The following ABLIM1 variants were observed in gnomAD, a reference collection of about 807,000 sequenced individuals.
ABLIM1 encodes the protein actin binding LIM protein 1, also known as actin-binding LIM protein 1.
ABLIM1 carries 40 observed loss-of-function variants against 107.0 expected under a neutral mutation model. The ratio of observed to expected loss-of-function variants is 0.37; its 90% CI spans 0.29 to 0.49. ABLIM1 has a LOEUF of 0.49. ABLIM1 is among the 20% of genes least tolerant of loss of function. The pLI is 0.97. For missense variants in ABLIM1, 857 were observed against 1,008.5 expected, an observed-to-expected ratio of 0.85 and a Z score of 2.04; for synonymous variants, 357 against 357.3, an observed-to-expected ratio of 1.00 and a Z score of 0.01.
At chr10:114,766,140 A>G (rs1381913231) in intron 1 of ABLIM1, among the ~76,000 whole-genome samples, 2 of 152,204 alleles carry the variant, frequency 1.3e-5, no homozygotes, top group African/African-American at 4.8e-5. Context: ...CAAAACCTCA[A>G]TTCCTTCATC....
chr10:114,626,093 C>T (rs2077772636), intron 1 of ABLIM1, among the ~76,000 whole-genome samples: 2 of 152,252 alleles, frequency 1.3e-5, no homozygotes, highest in African/African-American at 2.4e-5. Flanking sequence ...TGAACCTTAC[C>T]TTGTCATTTA....
At chr10:114,529,175 A>G (rs1158763844) in intron 6 of ABLIM1, among the ~76,000 whole-genome samples, 2 of 146,266 alleles carry the variant, frequency 1.4e-5, no homozygotes, top group Admixed American at 7.0e-5. Flanking sequence ...GCAAGGCTGG[A>G]GTGCAGTGGT....
At chr10:114,763,315 A>G (rs1260877920) in intron 1 of ABLIM1, among the ~76,000 whole-genome samples, 1 of 152,130 alleles carries the variant, frequency 6.6e-6, no homozygotes, top group East Asian at 1.9e-4. Context: ...GCCTGTTTGA[A>G]TTTAAACATA....
chr10:114,588,138 T>A (rs950022023), intron 2 of ABLIM1, among the ~76,000 whole-genome samples: 3 of 152,144 alleles, frequency 2.0e-5, no homozygotes, highest in Non-Finnish European at 4.4e-5. Context: ...TCATTGATGA[T>A]CATTTGATTT....
chr10:114,755,740 C>G (rs1591948226), intron 1 of ABLIM1, among the ~76,000 whole-genome samples: 2 of 152,214 alleles, frequency 1.3e-5, no homozygotes, highest in Non-Finnish European at 2.9e-5. Context: ...TGGCTCCGCT[C>G]TGTTATTTGC....
the ABLIM1 span, among the ~76,000 whole-genome samples, chr10:114,787,594 CCGCCCGGCCAGCCGCCCCG>C: frequency 1.1e-4 from 16 of 145,322 alleles, no homozygotes; most frequent in East Asian, 4.2e-4. Flanking sequence ...GGTCAGCCCC[CCGCCCGGCCAGCCGCCCCG>C]TCCGGGAGGT....
At chr10:114,482,257 C>T (rs2057485737) in intron 8 of ABLIM1, among the ~76,000 whole-genome samples, 1 of 152,106 alleles carries the variant, frequency 6.6e-6, no homozygotes, top group Admixed American at 6.5e-5. Flanking sequence ...TTAGGTAATT[C>T]TATTTTCATC....
intron 6 of ABLIM1, among the ~76,000 whole-genome samples, chr10:114,542,707 A>G (rs916374701): frequency 3.9e-5 from 6 of 152,170 alleles, no homozygotes; most frequent in Non-Finnish European, 8.8e-5. Flanking sequence ...CAAACTCAGG[A>G]ATCCCAAGGG....
intron 2 of ABLIM1, among the ~76,000 whole-genome samples, chr10:114,596,452 T>C (rs2075422681): frequency 6.6e-6 from 1 of 152,164 alleles, no homozygotes; most frequent in Non-Finnish European, 1.5e-5. Context: ...TGTATTCCCA[T>C]CTACTCAGGA....
rs760395146 is a variant in ABLIM1, at chr10:114,465,758, A to C, written c.1381T>G (p.Tyr461Asp). 22 of 1,614,104 alleles carry C rather than the reference A, an allele frequency of 1.4e-5. 1 individual carries two copies. In the Admixed American group the frequency reaches 3.5e-4, roughly 26 times the overall value. Residue 461 changes from tyrosine (Y) to aspartate (D), a missense_variant, in exon 12 of 23, where the codon TAC becomes GAC. By Grantham distance (160) the Tyr-to-Asp change is radical (BLOSUM62 -3). Coordinates refer to ENST00000533213, the MANE Select transcript of ABLIM1 (RefSeq NM_002313.7). ...TSQGSINSPVYSRHSYTPTTS... is the reference protein window; with the variant it reads ...TSQGSINSPVDSRHSYTPTTS... ...GTTGGAGTGTAGCTGTGGCGGCTGT[A>C]CACAGGGGAGTTGATGGAGCCCTGG...
In ABLIM1 at chr10:114,546,384, C is replaced by G. The variant is rs111691278; in HGVS notation, c.800+1266G>C. Among the ~76,000 whole-genome samples, 6 of 151,420 alleles carry G rather than the reference C, an allele frequency of 4.0e-5. No homozygotes were observed. The South Asian group carries it at 1.3e-3, about 32-fold the overall frequency. ...TCTGGGCTCACTGCAACCTCCGCCT[C>G]CCAGGTTCAAGCAATTCTCCTGTCT... On this transcript the variant is annotated intron_variant, in intron 5 of 22. Transcript: ENST00000533213.
intron 1 of ABLIM1, among the ~76,000 whole-genome samples, chr10:114,635,485 C>A (rs530328066): frequency 1.3e-5 from 2 of 152,210 alleles, no homozygotes. Flanking sequence ...ACTGGAACAT[C>A]AGGTGTCCAG....
intron 2 of ABLIM1, among the ~76,000 whole-genome samples, chr10:114,594,342 ATCTTTACTTGCAC>A (rs1406448214): frequency 3.9e-5 from 6 of 152,228 alleles, no homozygotes; most frequent in African/African-American, 1.4e-4. Flanking sequence ...TGTGATAGAT[ATCTTTACTTGCAC>A]TCTTTCTTTT....
At chr10:114,480,320 T>C (rs17091929) in intron 8 of ABLIM1, among the ~76,000 whole-genome samples, 1 of 151,814 alleles carries the variant, frequency 6.6e-6, no homozygotes, top group African/African-American at 2.4e-5. Context: ...TAAAAAAAAA[T>C]TACTCTCTGG....
chr10:114,566,209 T>C (rs553954923), intron 4 of ABLIM1, among the ~76,000 whole-genome samples: 22 of 152,340 alleles, frequency 1.4e-4, no homozygotes, highest in African/African-American at 4.8e-4. Flanking sequence ...AAGATGAGCC[T>C]GCATGTGTTT....
intron 1 of ABLIM1, among the ~76,000 whole-genome samples, chr10:114,678,705 C>A (rs183850663): frequency 2.6e-5 from 4 of 152,312 alleles, no homozygotes; most frequent in Admixed American, 2.6e-4. Flanking sequence ...GCATTCAAAT[C>A]TTGTATTTCT....
At chr10:114,777,702 C>A in the ABLIM1 span, among the ~76,000 whole-genome samples, 1 of 152,212 alleles carries the variant, frequency 6.6e-6, no homozygotes, top group Non-Finnish European at 1.5e-5. Context: ...AGTTTATAAT[C>A]TGTCAAGCCA....
At chr10:114,798,044 G>A in the ABLIM1 span, among the ~76,000 whole-genome samples, 1 of 152,176 alleles carries the variant, frequency 6.6e-6, no homozygotes, top group Non-Finnish European at 1.5e-5. Flanking sequence ...CACAAAGCAG[G>A]TAACTGTATA....
intron 6 of ABLIM1, among the ~76,000 whole-genome samples, chr10:114,532,217 G>A (rs2065523010): frequency 6.6e-6 from 1 of 152,168 alleles, no homozygotes; most frequent in Admixed American, 6.5e-5. Flanking sequence ...TTTCCAAGGT[G>A]CCTGCAGCTT....
Sources: gnomAD v4.1 joint callset for allele counts (sites outside exome capture counted in the v4.1 genomes callset) on GRCh38, gnomAD v4.1.1 for gene constraint, MANE v1.5 for transcripts, NCBI Gene and HGNC (gene_info 2026-07-23, HGNC 2026-07-21) for gene names.